Variants in EIPR1 observed in about 807,000 individuals in gnomAD.
EIPR1 encodes the protein EARP complex and GARP complex interacting protein 1.
In EIPR1, 25 loss-of-function variants were observed where a neutral mutation model predicts 48.1. That is an observed-to-expected ratio of 0.52 (90% CI 0.38 to 0.73). The LOEUF (loss-of-function observed/expected upper bound fraction) is 0.73. EIPR1 is among the 30% of genes least tolerant of loss of function. EIPR1 has a pLI of 0.00. For synonymous variants in EIPR1, 204 were observed against 201.9 expected, an observed-to-expected ratio of 1.01 and a Z score of -0.09; for missense variants, 415 against 506.2, an observed-to-expected ratio of 0.82 and a Z score of 1.73.
At chr2:3,298,106 T>A (rs6734952) in intron 3 of EIPR1, among the ~76,000 whole-genome samples, 1 of 152,198 alleles carries the variant, frequency 6.6e-6, no homozygotes, top group Admixed American at 6.5e-5. Flanking sequence ...GATAATGCTA[T>A]ACATTTCCTG....
intron 4 of EIPR1, among the ~76,000 whole-genome samples, chr2:3,251,012 C>T (rs565576609): frequency 1.5e-4 from 23 of 152,022 alleles, no homozygotes; most frequent in Non-Finnish European, 2.9e-4. Flanking sequence ...ACAGAGGCAG[C>T]TAACACACAT....
chr2:3,248,885 G>GTAAGTTTCC (rs1225153206), intron 4 of EIPR1, among the ~76,000 whole-genome samples: 1 of 152,048 alleles, frequency 6.6e-6, no homozygotes, highest in African/African-American at 2.4e-5. Context: ...CACAATGATT[G>GTAAGTTTCC]TAAGTTTCCT....
chr2:3,196,822 C>G, intron 6 of EIPR1, 59 bp downstream of exon 6: 1 of 1,592,432 alleles, frequency 6.3e-7, no homozygotes, highest in South Asian at 1.1e-5. Context: ...ACCATCATCC[C>G]GGTTCTGCTC....
chr2:3,272,206 T>C (rs186675326), intron 3 of EIPR1, among the ~76,000 whole-genome samples: 55 of 152,370 alleles, frequency 3.6e-4, no homozygotes, highest in Non-Finnish European at 2.5e-4. Context: ...TTGGATCATC[T>C]ATCCAGACCA....
chr2:3,218,694 A>G (rs918287963), intron 4 of EIPR1, among the ~76,000 whole-genome samples: 1 of 149,502 alleles, frequency 6.7e-6, no homozygotes, highest in Non-Finnish European at 1.5e-5. Flanking sequence ...TCAGGTGGAC[A>G]CCCAACACGG....
intron 3 of EIPR1, among the ~76,000 whole-genome samples, chr2:3,299,177 TG>T (rs1265883966): frequency 6.6e-6 from 1 of 152,230 alleles, no homozygotes; most frequent in African/African-American, 2.4e-5. Flanking sequence ...TCCTAGCTGT[TG>T]CTGAGAATGT....
intron 1 of EIPR1, among the ~76,000 whole-genome samples, chr2:3,357,499 G>A (rs936207092): frequency 1.1e-4 from 17 of 152,170 alleles, no homozygotes; most frequent in African/African-American, 3.9e-4. Context: ...ACCTAACTTA[G>A]GAGTATGCAC....
rs1670675540 is a variant in EIPR1, at chr2:3,354,628, A to G, written c.48T>C (p.Arg16=). 2.5e-6 allele frequency: 4 copies of G among 1,614,118 alleles called. No homozygotes were observed. Among genetic ancestry groups the G allele is most frequent in the Non-Finnish European group, 3.4e-6 (4 of 1,179,986 alleles). The part of the protein sequence containing the change: ...PVIYGLEFQA[R]ALTPQTAETD... ...TTTCTGCAGTTTGAGGTGTTAAGGC[A>G]CGTGCCTGCAGGAGGGAAGAAAAAC... The change falls in exon 2 of 9, where the codon CGT becomes CGC. Residue 16 remains arginine, a synonymous_variant. Coordinates refer to ENST00000382125, the MANE Select transcript of EIPR1 (RefSeq NM_003310.5).
chr2:3,293,572 T>G (rs548810780), intron 3 of EIPR1, among the ~76,000 whole-genome samples: 107 of 152,110 alleles, frequency 7.0e-4, no homozygotes, highest in Non-Finnish European at 1.4e-3. Context: ...ACTGGACCAG[T>G]CCCCACGGGC....
At chr2:3,243,121 T>C (rs1385261069) in intron 4 of EIPR1, among the ~76,000 whole-genome samples, 2 of 152,204 alleles carry the variant, frequency 1.3e-5, no homozygotes, top group African/African-American at 2.4e-5. Context: ...CAGACATCTC[T>C]CACTGGGACA....
intron 5 of EIPR1, chr2:3,208,911 C>T (rs1458738049): frequency 5.8e-6 from 9 of 1,545,890 alleles, no homozygotes; most frequent in Middle Eastern, 1.7e-4. Flanking sequence ...AATGATGGCA[C>T]ACACAGGGTC....
At chr2:3,242,782 A>G (rs956436324) in intron 4 of EIPR1, among the ~76,000 whole-genome samples, 22 of 152,212 alleles carry the variant, frequency 1.4e-4, no homozygotes, top group Non-Finnish European at 2.5e-4. Context: ...AAGAGAATAT[A>G]ATGAATTATT....
intron 3 of EIPR1, among the ~76,000 whole-genome samples, chr2:3,299,703 G>C (rs1416781347): frequency 1.3e-5 from 2 of 150,106 alleles, no homozygotes; most frequent in Non-Finnish European, 3.0e-5. Context: ...GCTCTTCTTA[G>C]GTTTTGCCAA....
At chr2:3,335,442 G>T (rs925971755) in intron 3 of EIPR1, among the ~76,000 whole-genome samples, 1 of 152,102 alleles carries the variant, frequency 6.6e-6, no homozygotes, top group African/African-American at 2.4e-5. Context: ...CTCCTGTTGT[G>T]CTGAGGCTGG....
intron 5 of EIPR1, among the ~76,000 whole-genome samples, chr2:3,210,144 T>A (rs1463673500): frequency 6.6e-6 from 1 of 151,320 alleles, no homozygotes; most frequent in Non-Finnish European, 1.5e-5. Context: ...ATCCACTCAA[T>A]TTTGCCGTGA....
intron 5 of EIPR1, chr2:3,207,714 C>A (rs1035322475): frequency 3.9e-5 from 6 of 152,308 alleles, no homozygotes; most frequent in African/African-American, 7.2e-5. Flanking sequence ...AGAAAGAAGT[C>A]TTTTAAGAGC....
Position 3,214,196 on chromosome 2 carries a change from T to C in EIPR1, c.469A>G (p.Asn157Asp). 2 of 1,613,992 alleles carry C rather than the reference T, an allele frequency of 1.2e-6. No individual in the cohort carries two copies. The highest frequency in any genetic ancestry group is 2.2e-5 in the South Asian group (2 of 91,026). Reference sequence around the variant, plus strand: ...TGTAAATCCCACAGCAGGATATGGTTATCAGCCAAGGAAATGATTTTCTTC... The same window carrying C: ...TGTAAATCCCACAGCAGGATATGGTCATCAGCCAAGGAAATGATTTTCTTC... The part of the protein sequence containing the change: ...DGKKIISLAD[N>D]HILLWDLQES... The change falls in exon 5 of 9, where the codon AAC becomes GAC. Residue 157 changes from asparagine to aspartate, a missense_variant. Transcript: ENST00000382125.
intron 3 of EIPR1, among the ~76,000 whole-genome samples, chr2:3,329,718 T>C (rs937452320): frequency 1.3e-5 from 2 of 149,466 alleles, no homozygotes; most frequent in African/African-American, 4.9e-5. Context: ...TGGGCTCCCC[T>C]GCATCAGGCT....
chr2:3,248,135 T>C (rs999372955), intron 4 of EIPR1, among the ~76,000 whole-genome samples: 9 of 152,116 alleles, frequency 5.9e-5, no homozygotes, highest in African/African-American at 1.7e-4. Flanking sequence ...AGTTAGTTCA[T>C]ACACAATCTG....
Sources: gnomAD v4.1 joint callset for allele counts (sites outside exome capture counted in the v4.1 genomes callset) on GRCh38, gnomAD v4.1.1 for gene constraint, MANE v1.5 for transcripts, NCBI Gene and HGNC (gene_info 2026-07-23, HGNC 2026-07-21) for gene names.